The following RSL1D1 variants were observed in gnomAD, a reference collection of about 807,000 sequenced individuals.
RSL1D1 encodes ribosomal L1 domain-containing protein 1.
RSL1D1 carries 34 observed loss-of-function variants against 44.6 expected under a neutral mutation model. That is an observed-to-expected ratio of 0.76 (90% CI 0.58 to 1.02). The LOEUF (loss-of-function observed/expected upper bound fraction) is 1.02. Among genes scored for constraint, RSL1D1 ranks in the 50% least tolerant of loss-of-function variants. The probability of loss-of-function intolerance (pLI) is 0.00; values close to 1 mark genes in which losing one functional copy is unlikely to be tolerated. For synonymous variants in RSL1D1, 271 were observed against 207.4 expected, an observed-to-expected ratio of 1.31 and a Z score of -2.63; for missense variants, 767 against 568.1, an observed-to-expected ratio of 1.35 and a Z score of -3.56.
intron 5 of RSL1D1, among the ~76,000 whole-genome samples, chr16:11,843,547 G>A (rs1011192853): frequency 2.0e-5 from 3 of 151,728 alleles, no homozygotes; most frequent in Admixed American, 2.0e-4. Context: ...TAGTTCTACT[G>A]CTCTACCCAG....
At chr16:11,850,632 C>T (rs898794967) in intron 1 of RSL1D1, among the ~76,000 whole-genome samples, 2 of 152,120 alleles carry the variant, frequency 1.3e-5, no homozygotes, top group African/African-American at 4.8e-5. Context: ...TCAAACATGC[C>T]TAAGTACCCA....
intron 8 of RSL1D1, 72 bp from the exon 9 acceptor site, chr16:11,838,185 G>A (rs913117172): frequency 8.3e-7 from 1 of 1,202,038 alleles, no homozygotes; most frequent in African/African-American, 1.5e-5. Context: ...AGGAGTTACT[G>A]TTTTTATTTG....
intron 5 of RSL1D1, among the ~76,000 whole-genome samples, chr16:11,843,112 T>A (rs1345835215): frequency 6.9e-4 from 104 of 151,316 alleles, no homozygotes; most frequent in Admixed American, 6.7e-3. Flanking sequence ...TTTTTTTTTT[T>A]TTAGTAGAGA....
In RSL1D1 at chr16:11,836,102, C is replaced by T. The variant is rs2053715252; in HGVS notation, c.*1685G>A. 6.6e-6 allele frequency: 1 copy of T among 152,200 alleles called. No individual in the cohort carries two copies. Among genetic ancestry groups the T allele is most frequent in the Admixed American group, 6.5e-5 (1 of 15,274 alleles). 9.4% of individuals were successfully genotyped at this position (152,200 alleles called of 1,614,324 possible). A position where few individuals can be genotyped will look rare whatever the true frequency, so the allele number is the denominator to read the frequency against. On this transcript the variant is annotated 3_prime_UTR_variant, in exon 9 of 9. Coordinates refer to ENST00000571133, the MANE Select transcript of RSL1D1 (RefSeq NM_015659.3). The stretch of plus-strand genomic sequence containing the variant: ...ATGCTAAACCATCACAGCTGTAAAT[C>T]ATGTGCTTAATGCAAGGTGCCCTTC...
chr16:11,838,335 G>A (rs995589587), intron 8 of RSL1D1, among the ~76,000 whole-genome samples: 2 of 151,734 alleles, frequency 1.3e-5, no homozygotes, highest in African/African-American at 4.8e-5. Context: ...CTCATTTTTT[G>A]TATTTTTAGT....
chr16:11,847,207 C>T (rs2053805027), intron 3 of RSL1D1, among the ~76,000 whole-genome samples: 1 of 152,016 alleles, frequency 6.6e-6, no homozygotes, highest in Non-Finnish European at 1.5e-5. Flanking sequence ...GAAACCTCGT[C>T]TCTATAAAAA....
chr16:11,842,842 G>A (rs1215317342), intron 5 of RSL1D1, among the ~76,000 whole-genome samples: 15 of 150,322 alleles, frequency 1.0e-4, no homozygotes, highest in Admixed American at 2.7e-4. Context: ...TGCAACCTTC[G>A]CCTCCTGGGT....
chr16:11,847,666 A>C lies in RSL1D1; in HGVS notation c.384+2T>G, dbSNP rs2053808648. 1.9e-6 allele frequency: 3 copies of C among 1,605,128 alleles called. No individual in the cohort carries two copies. Among genetic ancestry groups the C allele is most frequent in the Non-Finnish European group, 2.5e-6 (3 of 1,176,698 alleles). ...CTTGAAAATATTAACCAGGCTTCCT[A>C]CCTGAGAAACGGTTTTAATTCCATG... is the stretch of plus-strand genomic sequence containing the variant. On this transcript the variant is annotated splice_donor_variant, in intron 3 of 8. Transcript: ENST00000571133. LOFTEE classifies it high-confidence loss of function.
chr16:11,843,270 T>C lies in RSL1D1; in HGVS notation c.636-1270A>G, dbSNP rs372712901. On this transcript the variant is annotated intron_variant, in intron 5 of 8. Coordinates refer to ENST00000571133, the MANE Select transcript of RSL1D1 (RefSeq NM_015659.3). ...ATTTTTAGTAGAGATGGGGTTTCACTGTGTTGGCCAGACTGGTCTCAAACA... is the reference window on the plus strand; with the variant it reads ...ATTTTTAGTAGAGATGGGGTTTCACCGTGTTGGCCAGACTGGTCTCAAACA... Among the ~76,000 whole-genome samples, 452 of 151,560 alleles carry C rather than the reference T, an allele frequency of 3.0e-3. 5 individuals are homozygous for C. The highest frequency in any genetic ancestry group is 0.01 in the African/African-American group (432 of 41,364).
At chr16:11,842,381 T>C (rs2053769291) in intron 5 of RSL1D1, among the ~76,000 whole-genome samples, 2 of 152,132 alleles carry the variant, frequency 1.3e-5, no homozygotes, top group Non-Finnish European at 2.9e-5. Flanking sequence ...TTAAAATCTT[T>C]AGGTTCTAAA....
At chr16:11,839,490 G>T (rs1029923430) in intron 8 of RSL1D1, among the ~76,000 whole-genome samples, 1 of 145,250 alleles carries the variant, frequency 6.9e-6, no homozygotes, top group South Asian at 2.2e-4. Context: ...CCCCCGGAGT[G>T]TAAGACCGGT....
At chr16:11,847,220 TA>T (rs1395602340) in intron 3 of RSL1D1, among the ~76,000 whole-genome samples, 1 of 151,948 alleles carries the variant, frequency 6.6e-6, no homozygotes, top group Non-Finnish European at 1.5e-5. Flanking sequence ...TATAAAAATA[TA>T]AAAATTAGCC....
chr16:11,847,527 T>C (rs1250570427), intron 3 of RSL1D1, 141 bp downstream of exon 3: 2 of 700,964 alleles, frequency 2.9e-6, no homozygotes, highest in Non-Finnish European at 2.4e-6. Context: ...TAAAAGCTAC[T>C]GATGTACACG....
At chr16:11,848,634 G>A (rs1371410125) in intron 2 of RSL1D1, among the ~76,000 whole-genome samples, 1 of 152,074 alleles carries the variant, frequency 6.6e-6, no homozygotes, top group African/African-American at 2.4e-5. Flanking sequence ...CTCCAGGCAC[G>A]TACCAGTTGG....
intron 5 of RSL1D1, among the ~76,000 whole-genome samples, chr16:11,843,179 C>G (rs1015070731): frequency 6.6e-6 from 1 of 151,428 alleles, no homozygotes; most frequent in Non-Finnish European, 1.5e-5. Context: ...AGGTGATCCG[C>G]CTGCCTCGGC....
chr16:11,851,227 G>C, intron 1 of RSL1D1, 181 bp downstream of exon 1: 1 of 662,932 alleles, frequency 1.5e-6, no homozygotes, highest in Non-Finnish European at 2.7e-6. Flanking sequence ...CGCAGGACCA[G>C]GGAAAGCAGG....
chr16:11,842,007 T>C lies in RSL1D1; in HGVS notation c.636-7A>G. 1 of 1,591,004 alleles carries C rather than the reference T, an allele frequency of 6.3e-7. No homozygotes were observed. Among genetic ancestry groups the C allele is most frequent in the Non-Finnish European group, 8.6e-7 (1 of 1,163,914 alleles). ...GTGACCAATACGTATAGCACTGAAATTTAATATAGTATTAGACAAGATTTT... is the reference window on the plus strand; with the variant it reads ...GTGACCAATACGTATAGCACTGAAACTTAATATAGTATTAGACAAGATTTT... On this transcript the variant is annotated splice_region_variant and splice_polypyrimidine_tract_variant and intron_variant, in intron 5 of 8. Coordinates refer to ENST00000571133, the MANE Select transcript of RSL1D1 (RefSeq NM_015659.3).
In RSL1D1 at chr16:11,846,524, G is replaced by T; in HGVS notation, c.612C>A (p.Asn204Lys). 6.3e-7 allele frequency: 1 copy of T among 1,591,146 alleles called. No individual in the cohort carries two copies. The highest frequency in any genetic ancestry group is 8.6e-7 in the Non-Finnish European group (1 of 1,168,486). Residue 204 changes from asparagine to lysine, a missense_variant, in exon 5 of 9, where the codon AAC becomes AAA. Coordinates refer to ENST00000571133, the MANE Select transcript of RSL1D1 (RefSeq NM_015659.3). ...ACCTGCAAGAACCACTTTTAGAAAT[G>T]TTTAAGACTGTTCCACCTATACAGT... ...INDCIGGTVL[N>K]ISKSGSCSAI...
At chr16:11,848,177 C>T (rs764899163) in intron 2 of RSL1D1, among the ~76,000 whole-genome samples, 2 of 152,036 alleles carry the variant, frequency 1.3e-5, no homozygotes, top group Non-Finnish European at 2.9e-5. Flanking sequence ...CGCTTCAACC[C>T]GGAAGGTGGA....
Sources: gnomAD v4.1 joint callset for allele counts (sites outside exome capture counted in the v4.1 genomes callset) on GRCh38, gnomAD v4.1.1 for gene constraint, MANE v1.5 for transcripts, NCBI Gene and HGNC (gene_info 2026-07-23, HGNC 2026-07-21) for gene names.